The following COL17A1 variants were observed in gnomAD, a reference collection of about 807,000 sequenced individuals.
The protein encoded by COL17A1 is collagen type XVII alpha 1 chain.
A neutral mutation model predicts 218.4 loss-of-function variants in COL17A1; 181 were observed. That is an observed-to-expected ratio of 0.83 (90% CI 0.73 to 0.94). COL17A1 has a LOEUF of 0.94. COL17A1 is among the 40% of genes least tolerant of loss of function. The pLI is 0.00. For synonymous variants in COL17A1, 721 were observed against 731.0 expected (o/e 0.99, Z 0.22); for missense variants, 1,924 against 1,945.9 (o/e 0.99, Z 0.21).
chr10:104,057,766 G>A (rs1010068055), intron 16 of COL17A1, among the ~76,000 whole-genome samples: 3 of 152,128 alleles, frequency 2.0e-5, no homozygotes, highest in Non-Finnish European at 4.4e-5. Flanking sequence ...ATCACACGGC[G>A]GTGGAAGGAA....
In COL17A1 at chr10:104,033,357, C is replaced by T. The variant is rs1184738828; in HGVS notation, c.4175G>A (p.Gly1392Glu). ...ESMQRQGLLQ[G>E]MAYTVQGPPG... is the part of the protein sequence containing the mutation. ...TGGGCCCTGGACAGTGTAGGCCATC[C>T]CTTGCAGTAGGCCCTGACCTGTAAA... Residue 1392 changes from glycine (G) to glutamate (E), a missense_variant, in exon 53 of 56, where the codon GGG becomes GAG. Transcript: ENST00000648076. The T allele has an allele frequency of 6.2e-7, 1 of 1,610,590 alleles. No individual in the cohort carries two copies. The highest frequency in any genetic ancestry group is 8.5e-7 in the Non-Finnish European group (1 of 1,178,640).
In COL17A1 at chr10:104,037,034, A is replaced by C; in HGVS notation, c.3277+11T>G. On this transcript the variant is annotated intron_variant, in intron 47 of 55. Coordinates refer to ENST00000648076, the MANE Select transcript of COL17A1 (RefSeq NM_000494.4). The stretch of plus-strand genomic sequence containing the variant: ...ATAGTCCCACCCTCGATCCCCCCAC[A>C]GGTGACTCACGCTGCAGCACAGCCA... 6.2e-7 allele frequency: 1 copy of C among 1,600,948 alleles called. No homozygotes were observed. Among genetic ancestry groups the C allele is most frequent in the Non-Finnish European group, 8.5e-7 (1 of 1,174,442 alleles).
At chr10:104,048,954 C>A (rs866844749) in intron 29 of COL17A1, among the ~76,000 whole-genome samples, 5 of 152,100 alleles carry the variant, frequency 3.3e-5, no homozygotes, top group African/African-American at 1.2e-4. Context: ...ATCCTGAGTC[C>A]CAGGGATTAC....
Position 104,085,726 on chromosome 10 carries a change from G to A in COL17A1, c.-15C>T, listed in dbSNP as rs758535891. ...GTCAGTCTTCCTGTTTACTTACCTGGTTTGAGGTTTTGAAGGAATTGGAAA... is the reference window on the plus strand; with the variant it reads ...GTCAGTCTTCCTGTTTACTTACCTGATTTGAGGTTTTGAAGGAATTGGAAA... On this transcript the variant is annotated 5_prime_UTR_variant, in exon 1 of 56. Coordinates refer to ENST00000648076, the MANE Select transcript of COL17A1 (RefSeq NM_000494.4). 1 of 152,624 alleles carries A rather than the reference G, an allele frequency of 6.6e-6. No individual in the cohort carries two copies. The highest frequency in any genetic ancestry group is 1.9e-4 in the East Asian group (1 of 5,198). The allele number at this position is 152,624 out of a possible 1,614,324, so 9.5% of individuals were successfully genotyped here.
intron 1 of COL17A1, among the ~76,000 whole-genome samples, chr10:104,082,752 A>G (rs1198016177): frequency 1.3e-5 from 2 of 152,210 alleles, no homozygotes; most frequent in Non-Finnish European, 2.9e-5. Context: ...AAACCTGGAA[A>G]GTTTTGCTTG....
At chr10:104,049,300 TG>T in intron 29 of COL17A1, 108 bp downstream of exon 29, 2 of 967,242 alleles carry the variant, frequency 2.1e-6, no homozygotes, top group Non-Finnish European at 3.3e-6. Context: ...CTACCAGGAG[TG>T]GGCAGATTAG....
intron 16 of COL17A1, among the ~76,000 whole-genome samples, chr10:104,057,532 A>G (rs958577978): frequency 5.3e-5 from 8 of 150,610 alleles, no homozygotes; most frequent in Non-Finnish European, 1.0e-4. Flanking sequence ...ACGAGGCTTA[A>G]ACATCTTTAT....
chr10:104,076,189 G>T, intron 5 of COL17A1, 112 bp downstream of exon 5: 1 of 1,527,020 alleles, frequency 6.5e-7, no homozygotes, highest in Non-Finnish European at 9.0e-7. Flanking sequence ...AAGGAGGAGT[G>T]GGGAGAAAGG....
intron 31 of COL17A1, among the ~76,000 whole-genome samples, chr10:104,047,109 G>A (rs1298943183): frequency 6.6e-6 from 1 of 152,192 alleles, no homozygotes; most frequent in Non-Finnish European, 1.5e-5. Flanking sequence ...CCCCCTCTAT[G>A]GCTCCTGTCT....
In COL17A1 at chr10:104,077,515, T is replaced by A. The variant is rs1378114551; in HGVS notation, c.109A>T (p.Ser37Cys). The change falls in exon 4 of 56, where the codon AGC (serine) becomes TGC (cysteine). Residue 37 changes from serine (S) to cysteine (C), a missense_variant. Ser to Cys is a moderately radical substitution (Grantham distance 112). Coordinates refer to ENST00000648076, the MANE Select transcript of COL17A1 (RefSeq NM_000494.4). The stretch of plus-strand genomic sequence containing the variant: ...GAGGCTGTTTTAGCATAGCCATTGC[T>A]GGTCCCGCCTTCTGCCAGGAACAAA... Reference protein sequence around the residue: ...LTSLPPKGGTSNGYAKTASLG... With the variant: ...LTSLPPKGGTCNGYAKTASLG... The A allele has an allele frequency of 1.9e-6, 3 of 1,611,910 alleles. No homozygotes were observed. In the Admixed American group the frequency reaches 5.0e-5, roughly 27 times the overall value.
rs1179221286 is a variant in COL17A1 at position 104,031,603 on chromosome 10, A to G, written c.*632T>C. The G allele has an allele frequency of 6.5e-6, 1 of 154,296 alleles. No individual in the cohort carries two copies. Among genetic ancestry groups the G allele is most frequent in the Non-Finnish European group, 1.4e-5 (1 of 69,356 alleles). 9.6% of individuals were successfully genotyped at this position (154,296 alleles called of 1,614,324 possible). On this transcript the variant is annotated 3_prime_UTR_variant, in exon 56 of 56. Coordinates refer to ENST00000648076, the MANE Select transcript of COL17A1 (RefSeq NM_000494.4). Reference sequence around the variant, plus strand: ...GAACTCTAGTATGGGCCTACGGACAATCATAGCTACAATCAGACTTTCTAA... The same window carrying G: ...GAACTCTAGTATGGGCCTACGGACAGTCATAGCTACAATCAGACTTTCTAA...
intron 45 of COL17A1, 116 bp downstream of exon 45, chr10:104,038,290 C>A: frequency 1.6e-6 from 2 of 1,264,170 alleles, no homozygotes; most frequent in South Asian, 1.2e-5. Context: ...ACTCCCACTG[C>A]CCTACATCGT....
At chr10:104,073,363 A>T in intron 6 of COL17A1, 118 bp from the exon 7 acceptor site, 1 of 866,950 alleles carries the variant, frequency 1.2e-6, no homozygotes, top group South Asian at 1.3e-5. Context: ...CTAAATCCAG[A>T]TAGGGGCTTT....
chr10:104,043,798 A>G, intron 34 of COL17A1, 27 bp downstream of exon 34: 2 of 1,613,528 alleles, frequency 1.2e-6, no homozygotes, highest in Non-Finnish European at 1.7e-6. Context: ...AGACACAGAA[A>G]GGAGGGTCCC....
Position 104,033,267 on chromosome 10 carries a change from A to C in COL17A1, c.4265T>G (p.Val1422Gly). The change falls in exon 53 of 56, where the codon GTG (valine) becomes GGG (glycine). Residue 1422 changes from valine (V) to glycine (G), a missense_variant. By Grantham distance (109) the Val-to-Gly change is moderately radical. Coordinates refer to ENST00000648076, the MANE Select transcript of COL17A1 (RefSeq NM_000494.4). ...ISKVFSAYSN[V>G]TADLMDFFQT... ...GAAGAAGTCCATGAGGTCCGCAGTC[A>C]CGTTGCTGTAGGCAGAGAAGACCTT... The C allele has an allele frequency of 6.3e-7, 1 of 1,592,588 alleles. No individual in the cohort carries two copies.
chr10:104,063,576 C>T, intron 11 of COL17A1, 171 bp downstream of exon 11: 4 of 1,049,448 alleles, frequency 3.8e-6, no homozygotes, highest in South Asian at 1.4e-5. Flanking sequence ...GAGACTTTTC[C>T]CTTGGGGTCT....
rs1175681702 is a variant in COL17A1, at chr10:104,035,826, G to A, written c.3419-263C>T. Reference sequence around the variant, plus strand: ...TGTGTGTATGGGAGTGAGTGTGTGTGTGTATGGGAGTGTATCGGAGTGTGC... The same window carrying A: ...TGTGTGTATGGGAGTGAGTGTGTGTATGTATGGGAGTGTATCGGAGTGTGC... On this transcript the variant is annotated intron_variant, in intron 48 of 55. Coordinates refer to ENST00000648076, the MANE Select transcript of COL17A1 (RefSeq NM_000494.4). Among the ~76,000 whole-genome samples, 6 of 150,798 alleles carry A rather than the reference G, an allele frequency of 4.0e-5. No individual in the cohort carries two copies. In the East Asian group the frequency reaches 1.2e-3, roughly 30 times the overall value.
At chr10:104,051,370 G>C (rs1185491431) in intron 25 of COL17A1, 111 bp downstream of exon 25, 2 of 1,363,488 alleles carry the variant, frequency 1.5e-6, no homozygotes, top group Non-Finnish European at 2.1e-6. Flanking sequence ...ATATCTCTAG[G>C]AGGCTTGCTT....
Position 104,057,099 on chromosome 10 carries a change from G to A in COL17A1, c.1341C>T (p.Gly447=). 1 of 1,612,712 alleles carries A rather than the reference G, an allele frequency of 6.2e-7. No homozygotes were observed. Among genetic ancestry groups the A allele is most frequent in the Non-Finnish European group, 8.5e-7 (1 of 1,179,184 alleles). The part of the protein sequence containing the change: ...GGGGVGGAGG[G]PWGPAPAWCP... The stretch of plus-strand genomic sequence containing the variant: ...ACCAGGCTGGCGCTGGTCCCCAAGG[G>A]CCGCCGCCAGCGCCACCAACACCGC... The change falls in exon 17 of 56, where the codon GGC becomes GGT. Residue 447 remains glycine, a synonymous_variant. Transcript: ENST00000648076.
Sources: allele counts gnomAD v4.1 joint callset (sites outside exome capture counted in the v4.1 genomes callset), GRCh38; gene constraint gnomAD v4.1.1; transcripts MANE v1.5; gene names NCBI Gene and HGNC (gene_info 2026-07-23, HGNC 2026-07-21).